Variants in SATL1 observed in about 807,000 individuals in gnomAD.
SATL1 encodes the protein spermidine/spermine N(1)-acetyltransferase-like protein 1.
Under a neutral mutation model 51.8 loss-of-function variants are expected in SATL1, and 47 were observed. The ratio of observed to expected loss-of-function variants is 0.91; its 90% confidence interval spans 0.72 to 1.16. The LOEUF is 1.16. Ranked by LOEUF, SATL1 falls within the 50% of genes most tolerant of loss-of-function variation. The probability of loss-of-function intolerance (pLI) is 0.00; values close to 1 mark genes in which losing one functional copy is unlikely to be tolerated. For missense variants in SATL1, 520 were observed against 526.4 expected (o/e 0.99, Z 0.12); for synonymous variants, 176 against 182.4 (o/e 0.97, Z 0.28).
At chrX:85,152,531 G>C (rs370831475) in intron 2 of SATL1, among the ~76,000 whole-genome samples, 1 of 111,080 alleles carries the variant, frequency 9.0e-6, no homozygotes, top group Non-Finnish European at 1.9e-5. Context: ...TGTTTATTGC[G>C]GCACTATTCA....
chrX:85,184,530 T>G (rs1326768657), intron 2 of SATL1, among the ~76,000 whole-genome samples: 1 of 111,894 alleles, frequency 8.9e-6, no homozygotes, highest in Admixed American at 9.5e-5. Context: ...TCATTTTTTA[T>G]CTCCTCTGAC....
At chrX:85,221,409 A>T (rs1928175680) in intron 2 of SATL1, among the ~76,000 whole-genome samples, 1 of 112,029 alleles carries the variant, frequency 8.9e-6, no homozygotes, top group Non-Finnish European at 1.9e-5. Context: ...TAGGTAGTTT[A>T]GTAACTTGTG....
intron 2 of SATL1, among the ~76,000 whole-genome samples, chrX:85,120,038 C>A (rs1925470522): frequency 9.0e-6 from 1 of 111,558 alleles, no homozygotes; most frequent in African/African-American, 3.3e-5. Context: ...TAATTTAAAT[C>A]CCGCTTTTTC....
At chrX:85,146,657 C>T (rs1016766172) in intron 2 of SATL1, among the ~76,000 whole-genome samples, 1 of 111,888 alleles carries the variant, frequency 8.9e-6, no homozygotes, top group Non-Finnish European at 1.9e-5. Flanking sequence ...ACTAGGAGTA[C>T]CTTACTTAGG....
Position 85,107,351 on chromosome X carries a change from G to A in SATL1, c.1618C>T (p.Pro540Ser). The change falls in exon 3 of 8, where the codon CCA (proline) becomes TCA (serine). Residue 540 changes from proline to serine, a missense_variant. Coordinates refer to ENST00000644105, the MANE Select transcript of SATL1 (RefSeq NM_001367857.2). ...QIRHAEAGDC[P>S]EILRLIKELA... ...ACTTTAATCAGTCGCAAAATTTCTG[G>A]GCAGTCTCCAGCCTCTGCATGTCTT... The A allele has an allele frequency of 8.3e-7, 1 of 1,211,082 alleles. No individual in the cohort carries two copies. Among genetic ancestry groups the A allele is most frequent in the Non-Finnish European group, 1.1e-6 (1 of 894,823 alleles).
intron 1 of SATL1, among the ~76,000 whole-genome samples, chrX:85,231,224 T>C (rs1257148972): frequency 8.9e-6 from 1 of 112,059 alleles, no homozygotes; most frequent in African/African-American, 3.2e-5. Flanking sequence ...CTATTCAACC[T>C]TGAATATAAA....
intron 2 of SATL1, among the ~76,000 whole-genome samples, chrX:85,203,456 G>A (rs1280913844): frequency 1.8e-5 from 2 of 111,386 alleles, no homozygotes; most frequent in Non-Finnish European, 3.8e-5. Context: ...AAGGCCAAAG[G>A]CTGGAATGGC....
intron 1 of SATL1, among the ~76,000 whole-genome samples, chrX:85,237,198 C>G (rs1928498265): frequency 9.0e-6 from 1 of 110,562 alleles, no homozygotes; most frequent in African/African-American, 3.3e-5. Flanking sequence ...AAGCAGCAAT[C>G]CTAAAATTTA....
intron 2 of SATL1, among the ~76,000 whole-genome samples, chrX:85,159,830 G>A (rs1348206572): frequency 1.8e-5 from 2 of 110,796 alleles, no homozygotes; most frequent in Admixed American, 1.9e-4. Context: ...TGATAAGCAT[G>A]AACCCTGCCA....
intron 2 of SATL1, among the ~76,000 whole-genome samples, chrX:85,114,678 C>T (rs1410818374): frequency 8.9e-6 from 1 of 112,209 alleles, no homozygotes; most frequent in African/African-American, 3.2e-5. Context: ...ATCAGAATTA[C>T]AGAAGGTTTG....
At chrX:85,194,109 T>A (rs1380097090) in intron 2 of SATL1, among the ~76,000 whole-genome samples, 1 of 112,070 alleles carries the variant, frequency 8.9e-6, no homozygotes, top group Non-Finnish European at 1.9e-5. Flanking sequence ...CTTTCCACAA[T>A]GGTTGAACTA....
At chrX:85,166,790 G>T (rs1223348257) in intron 2 of SATL1, among the ~76,000 whole-genome samples, 4 of 109,319 alleles carry the variant, frequency 3.7e-5, no homozygotes, top group Admixed American at 9.9e-5. Flanking sequence ...CTACCCAGAG[G>T]AAAAGAAGTC....
At chrX:85,144,049 T>A (rs991736705) in intron 2 of SATL1, among the ~76,000 whole-genome samples, 1 of 111,838 alleles carries the variant, frequency 8.9e-6, no homozygotes, top group Non-Finnish European at 1.9e-5. Context: ...GTACAACTTT[T>A]TTTTTCTAAA....
At chrX:85,130,395 A>G (rs1362303737) in intron 2 of SATL1, among the ~76,000 whole-genome samples, 1 of 111,584 alleles carries the variant, frequency 9.0e-6, no homozygotes. Flanking sequence ...GTGTCCAGGA[A>G]TTTATCCATT....
chrX:85,157,495 A>G (rs1441059889), intron 2 of SATL1, among the ~76,000 whole-genome samples: 1 of 111,492 alleles, frequency 9.0e-6, no homozygotes, highest in Non-Finnish European at 1.9e-5. Context: ...TAAAAGTTAG[A>G]GAACCGTGCA....
At chrX:85,185,336 C>T (rs1158520748) in intron 2 of SATL1, among the ~76,000 whole-genome samples, 2 of 112,539 alleles carry the variant, frequency 1.8e-5, no homozygotes, top group South Asian at 3.6e-4. Context: ...CTGGCAAGTG[C>T]GTATTTTCAC....
intron 2 of SATL1, among the ~76,000 whole-genome samples, chrX:85,185,993 G>A (rs188293946): frequency 1.0e-3 from 114 of 110,697 alleles, no homozygotes; most frequent in Non-Finnish European, 4.2e-4. Context: ...AGTACCACCT[G>A]GTTACCACTG....
intron 2 of SATL1, among the ~76,000 whole-genome samples, chrX:85,170,973 C>T (rs1479361976): frequency 6.3e-5 from 7 of 110,973 alleles, no homozygotes; most frequent in African/African-American, 1.6e-4. Context: ...TTTTACTGTG[C>T]GAATAAATTT....
intron 1 of SATL1, among the ~76,000 whole-genome samples, chrX:85,233,920 G>A (rs1928430160): frequency 9.0e-6 from 1 of 111,312 alleles, no homozygotes; most frequent in African/African-American, 3.3e-5. Context: ...CCTAGAGAAA[G>A]ATGGCAATAT....
Sources: allele counts gnomAD v4.1 joint callset (sites outside exome capture counted in the v4.1 genomes callset), GRCh38; gene constraint gnomAD v4.1.1; transcripts MANE v1.5; gene names NCBI Gene and HGNC (gene_info 2026-07-23, HGNC 2026-07-21).